Variants in C1QTNF8 observed in about 807,000 individuals in gnomAD.
C1QTNF8 encodes complement C1q tumor necrosis factor-related protein 8.
C1QTNF8 carries 27 observed loss-of-function variants against 19.2 expected under a neutral mutation model. The ratio of observed to expected loss-of-function variants is 1.41; its 90% confidence interval spans 1.04 to 1.94. The LOEUF (loss-of-function observed/expected upper bound fraction) is 1.94. C1QTNF8 is among the 30% of genes most tolerant of loss of function. The probability of loss-of-function intolerance (pLI) is 0.00; values close to 1 mark genes in which losing one functional copy is unlikely to be tolerated. For missense variants in C1QTNF8, 484 were observed against 374.4 expected, an observed-to-expected ratio of 1.29 and a Z score of -2.42; for synonymous variants, 208 against 172.8, an observed-to-expected ratio of 1.20 and a Z score of -1.60.
chr16:1,093,895 C>G lies in C1QTNF8; in HGVS notation c.365G>C (p.Gly122Ala). ...CRRAYAAFSVGRREGLHSSDH... is the reference protein window; with the variant it reads ...CRRAYAAFSVARREGLHSSDH... ...GGAGCTGTGCAGGCCCTCGCGCCGG[C>G]CCACGGAGAAGGCGGCGTAGGCACG... The change falls in exon 4 of 5, where the codon GGC (glycine) becomes GCC (alanine). Residue 122 changes from glycine (G) to alanine (A), a missense_variant. Coordinates refer to ENST00000328449, the MANE Select transcript of C1QTNF8 (RefSeq NM_207419.3). 6.4e-7 allele frequency: 1 copy of G among 1,563,870 alleles called. No homozygotes were observed. Among genetic ancestry groups the G allele is most frequent in the Non-Finnish European group, 8.6e-7 (1 of 1,164,052 alleles).
intron 4 of C1QTNF8, among the ~76,000 whole-genome samples, chr16:1,091,822 C>G (rs1347591653): frequency 2.1e-5 from 3 of 145,608 alleles, no homozygotes; most frequent in Non-Finnish European, 3.0e-5. Context: ...CAAGGACAAG[C>G]CACCACTAGA....
intron 4 of C1QTNF8, among the ~76,000 whole-genome samples, chr16:1,092,144 G>A (rs536835486): frequency 2.0e-5 from 3 of 152,280 alleles, no homozygotes; most frequent in Admixed American, 6.5e-5. Flanking sequence ...ACAGGCCTCC[G>A]TCCATGTGGC....
At chr16:1,092,610 T>A (rs1960574173) in intron 4 of C1QTNF8, among the ~76,000 whole-genome samples, 1 of 116,710 alleles carries the variant, frequency 8.6e-6, no homozygotes. Flanking sequence ...GCTCAACAAA[T>A]CACTGCACAC....
At position 1,096,239 on chromosome 16, in the gene C1QTNF8, C is replaced by G. The variant is rs1233552525; in HGVS notation, c.-269G>C. The G allele has an allele frequency of 6.6e-6, 1 of 152,090 alleles. No homozygotes were observed. Among genetic ancestry groups the G allele is most frequent in the Non-Finnish European group, 1.5e-5 (1 of 68,060 alleles). The allele number at this position is 152,090 out of a possible 1,614,324, so 9.4% of individuals were successfully genotyped here. On this transcript the variant is annotated 5_prime_UTR_variant, in exon 1 of 5. Transcript: ENST00000328449. ...CCCGCCTGGGCGCCCGTGGCTTCCT[C>G]TGGGCTGTCCAAGAGCAACAGGCCG... is the stretch of plus-strand genomic sequence containing the variant.
At position 1,089,781 on chromosome 16, in the gene C1QTNF8, G is replaced by A. The variant is rs1960505901; in HGVS notation, c.*818C>T. Among the ~76,000 whole-genome samples, 1 of 152,186 alleles carries A rather than the reference G, an allele frequency of 6.6e-6. No individual in the cohort carries two copies. Among genetic ancestry groups the A allele is most frequent in the African/African-American group, 2.4e-5 (1 of 41,442 alleles). ...GGTAGGGCTGGGGGTGTCCCGGTCG[G>A]GGTGGGAGGCCTGGGGTCTGCCAAT... On this transcript the variant is annotated 3_prime_UTR_variant, in exon 5 of 5. Transcript: ENST00000328449.
intron 2 of C1QTNF8, 77 bp from the exon 3 acceptor site, chr16:1,095,010 C>T (rs1960655199): frequency 6.7e-6 from 4 of 599,240 alleles, no homozygotes; most frequent in Non-Finnish European, 1.0e-5. Flanking sequence ...GGCAGCCCGG[C>T]CCTGCCCCCG....
At position 1,093,989 on chromosome 16, in the gene C1QTNF8, C is replaced by A; in HGVS notation, c.271G>T (p.Gly91Cys). 1 of 1,473,226 alleles carries A rather than the reference C, an allele frequency of 6.8e-7. No homozygotes were observed. 91.3% of individuals were successfully genotyped at this position (1,473,226 alleles called of 1,614,324 possible). A position where few individuals can be genotyped will look rare whatever the true frequency, so the allele number is the denominator to read the frequency against. The change falls in exon 4 of 5, where the codon GGC (glycine) becomes TGC (cysteine). Residue 91 changes from glycine (G) to cysteine (C), a missense_variant. Physicochemically the swap from Gly to Cys is radical, Grantham distance 159 (BLOSUM62 -3). Transcript: ENST00000328449. The part of the protein sequence containing the change: ...AGRSGKEGPP[G>C]ARGLQGRRGQ... ...CTGCGGCCCTGCAGGCCCCGGGCGC[C>A]TGGCGGCCCCTCTTTCCCGCTCCTG...
At chr16:1,096,018 G>C (rs1023293709) in intron 1 of C1QTNF8, 138 bp downstream of exon 1, 2 of 152,428 alleles carry the variant, frequency 1.3e-5, no homozygotes, top group African/African-American at 2.4e-5. Flanking sequence ...CCCTGGCCCT[G>C]CCTGGCAGAC....
rs1960494387 is a variant in C1QTNF8 at position 1,089,272 on chromosome 16, C to T, written c.*1327G>A. Among the ~76,000 whole-genome samples the T allele has an allele frequency of 6.6e-6, 1 of 152,132 alleles. No individual in the cohort carries two copies. The highest frequency in any genetic ancestry group is 1.5e-5 in the Non-Finnish European group (1 of 67,996). ...GGCCAAGAACCTCTGCATGGCCAGC[C>T]GGGACCCCCACCCCCAGCAGCCCAT... is the stretch of plus-strand genomic sequence containing the variant. On this transcript the variant is annotated 3_prime_UTR_variant, in exon 5 of 5. Coordinates refer to ENST00000328449, the MANE Select transcript of C1QTNF8 (RefSeq NM_207419.3).
chr16:1,094,934 C>T lies in C1QTNF8; in HGVS notation c.-11-1G>A. The T allele has an allele frequency of 1.6e-6, 2 of 1,271,626 alleles. No individual in the cohort carries two copies. The highest frequency in any genetic ancestry group is 5.0e-5 in the South Asian group (2 of 39,994). 78.8% of individuals were successfully genotyped at this position (1,271,626 alleles called of 1,614,324 possible). A position where few individuals can be genotyped will look rare whatever the true frequency, so the allele number is the denominator to read the frequency against. On this transcript the variant is annotated splice_acceptor_variant, in intron 2 of 4. Coordinates refer to ENST00000328449, the MANE Select transcript of C1QTNF8 (RefSeq NM_207419.3). LOFTEE classifies it low-confidence loss of function (5UTR_SPLICE). The stretch of plus-strand genomic sequence containing the variant: ...GCGGGGGCTGCCATCTTGGCCAGGG[C>T]TGGGGGAGAGGAAAGAGGGGAGGGA...
At chr16:1,092,933 G>A (rs1478782775) in intron 4 of C1QTNF8, among the ~76,000 whole-genome samples, 18 of 40,122 alleles carry the variant, frequency 4.5e-4, no homozygotes, top group African/African-American at 1.1e-3. Context: ...GCACACAGTC[G>A]GCGCTCAACC....
chr16:1,094,915 G>A lies in C1QTNF8; in HGVS notation c.8C>T (p.Ala3Val). 4 of 1,312,910 alleles carry A rather than the reference G, an allele frequency of 3.0e-6. No individual in the cohort carries two copies. Among genetic ancestry groups the A allele is most frequent in the Non-Finnish European group, 3.9e-6 (4 of 1,025,166 alleles). 81.3% of individuals were successfully genotyped at this position (1,312,910 alleles called of 1,614,324 possible). ...CAGTGCTAGGAGCAGCAGGGCGGGG[G>A]CTGCCATCTTGGCCAGGGCTGGGGG... MA[A>V]PALLLLALLL... Residue 3 changes from alanine to valine, a missense_variant, in exon 3 of 5, where the codon GCC becomes GTC. Physicochemically the swap from Ala to Val is moderately conservative, Grantham distance 64. Transcript: ENST00000328449.
Position 1,093,901 on chromosome 16 carries a change from G to C in C1QTNF8, c.359C>G (p.Ser120Cys), listed in dbSNP as rs770009071. Residue 120 changes from serine (S) to cysteine (C), a missense_variant, in exon 4 of 5, where the codon TCC becomes TGC. Transcript: ENST00000328449. ...AACRRAYAAF[S>C]VGRREGLHSS... Reference sequence around the variant, plus strand: ...GTGCAGGCCCTCGCGCCGGCCCACGGAGAAGGCGGCGTAGGCACGTCGGCA... The same window carrying C: ...GTGCAGGCCCTCGCGCCGGCCCACGCAGAAGGCGGCGTAGGCACGTCGGCA... 8 of 1,559,472 alleles carry C rather than the reference G, an allele frequency of 5.1e-6. No individual in the cohort carries two copies. The South Asian group carries it at 9.3e-5, about 18-fold the overall frequency.
Position 1,093,690 on chromosome 16 carries a change from G to T in C1QTNF8, c.570C>A (p.Ala190=). ...LHIMLNRRPA[A]VLYAQPSERS... ...GCTCGCTGGGCTGCGCGTAGAGCACGGCCGCGGGCCGCCGGTTCAGCATGA... is the reference window on the plus strand; with the variant it reads ...GCTCGCTGGGCTGCGCGTAGAGCACTGCCGCGGGCCGCCGGTTCAGCATGA... Residue 190 remains alanine, a synonymous_variant, in exon 4 of 5, where the codon GCC becomes GCA. Coordinates refer to ENST00000328449, the MANE Select transcript of C1QTNF8 (RefSeq NM_207419.3). 6.2e-7 allele frequency: 1 copy of T among 1,612,184 alleles called. No individual in the cohort carries two copies. Among genetic ancestry groups the T allele is most frequent in the Non-Finnish European group, 8.5e-7 (1 of 1,179,668 alleles).
chr16:1,090,190 G>A lies in C1QTNF8; in HGVS notation c.*409C>T, dbSNP rs988454651. 2 of 152,412 alleles carry A rather than the reference G, an allele frequency of 1.3e-5. No homozygotes were observed. The highest frequency in any genetic ancestry group is 2.9e-5 in the Non-Finnish European group (2 of 68,196). The allele number at this position is 152,412 out of a possible 1,614,324, so 9.4% of individuals were successfully genotyped here. A position where few individuals can be genotyped will look rare whatever the true frequency, so the allele number is the denominator to read the frequency against. ...GACACACAAGGTGGGACTTGAGTAC[G>A]GGGCCACTTGGGGGTGCTGAGGGGC... is the stretch of plus-strand genomic sequence containing the variant. On this transcript the variant is annotated 3_prime_UTR_variant, in exon 5 of 5. Transcript: ENST00000328449.
Position 1,093,927 on chromosome 16 carries a change from C to T in C1QTNF8, c.333G>A (p.Ala111=), listed in dbSNP as rs574168624. 33 of 1,506,912 alleles carry T rather than the reference C, an allele frequency of 2.2e-5. No individual in the cohort carries two copies. Among genetic ancestry groups the T allele is most frequent in the Non-Finnish European group, 2.5e-5 (28 of 1,138,900 alleles). The allele number at this position is 1,506,912 out of a possible 1,614,324, so 93.3% of individuals were successfully genotyped here. ...AGAAGGCGGCGTAGGCACGTCGGCA[C>T]GCGGCGCCCGGCGGCCCCACCTGCC... is the stretch of plus-strand genomic sequence containing the variant. ...QKGQVGPPGA[A]CRRAYAAFSV... Residue 111 remains alanine (A), a synonymous_variant, in exon 4 of 5, where the codon GCG becomes GCA. Coordinates refer to ENST00000328449, the MANE Select transcript of C1QTNF8 (RefSeq NM_207419.3).
intron 4 of C1QTNF8, 81 bp downstream of exon 4, chr16:1,093,415 CA>C: frequency 2.1e-6 from 2 of 951,198 alleles, no homozygotes; most frequent in Non-Finnish European, 2.9e-6. Flanking sequence ...CACACACACC[CA>C]CACCCACCCC....
At chr16:1,093,197 A>G (rs1372612708) in intron 4 of C1QTNF8, among the ~76,000 whole-genome samples, 6 of 145,744 alleles carry the variant, frequency 4.1e-5, no homozygotes, top group African/African-American at 1.5e-4. Flanking sequence ...CGCTCAACCA[A>G]TCACAGCACA....
rs559228831 is a variant in C1QTNF8, at chr16:1,090,294, G to T, written c.*305C>A. The stretch of plus-strand genomic sequence containing the variant: ...GAGGCAGCAGGCTTGGGCAGTGGGT[G>T]GGGGTGGCGCAGCCGGGACAGAGCC... On this transcript the variant is annotated 3_prime_UTR_variant, in exon 5 of 5. Coordinates refer to ENST00000328449, the MANE Select transcript of C1QTNF8 (RefSeq NM_207419.3). 3 of 152,762 alleles carry T rather than the reference G, an allele frequency of 2.0e-5. No individual in the cohort carries two copies. The East Asian group carries it at 5.8e-4, about 29-fold the overall frequency. The allele number at this position is 152,762 out of a possible 1,614,324, so 9.5% of individuals were successfully genotyped here.
Sources: allele counts gnomAD v4.1 joint callset (sites outside exome capture counted in the v4.1 genomes callset), GRCh38; gene constraint gnomAD v4.1.1; transcripts MANE v1.5; gene names NCBI Gene and HGNC (gene_info 2026-07-23, HGNC 2026-07-21).